Variants in TUBGCP3 observed in about 807,000 individuals in gnomAD.
TUBGCP3 encodes gamma-tubulin complex component 3.
Under a neutral mutation model 123.1 loss-of-function variants are expected in TUBGCP3, and 50 were observed. The ratio of observed to expected loss-of-function variants is 0.41; its 90% CI spans 0.32 to 0.51. TUBGCP3 has a LOEUF of 0.51. Ranked by LOEUF, TUBGCP3 falls within the 20% of genes least tolerant of loss-of-function variation. TUBGCP3 has a pLI of 0.36. For synonymous variants in TUBGCP3, 405 were observed against 413.9 expected, an observed-to-expected ratio of 0.98 and a Z score of 0.26; for missense variants, 882 against 1,127.0, an observed-to-expected ratio of 0.78 and a Z score of 3.11.
At position 112,569,133 on chromosome 13, in the gene TUBGCP3, A is replaced by T; in HGVS notation, c.184+19T>A. ...CGAGTTTAAGAATCCAACACATGAC[A>T]TTTAAGAAAAATACGTACGCTCTTT... On this transcript the variant is annotated intron_variant, in intron 2 of 21. Transcript: ENST00000261965. The T allele has an allele frequency of 6.2e-7, 1 of 1,612,752 alleles. No homozygotes were observed. Among genetic ancestry groups the T allele is most frequent in the East Asian group, 2.2e-5 (1 of 44,874 alleles).
chr13:112,514,415 G>A (rs1035771334), intron 17 of TUBGCP3, among the ~76,000 whole-genome samples: 7 of 152,158 alleles, frequency 4.6e-5, no homozygotes, highest in African/African-American at 1.7e-4. Flanking sequence ...ACTCTGGAAG[G>A]CCAAGGTGGG....
chr13:112,533,895 A>G (rs2139118770), intron 11 of TUBGCP3, among the ~76,000 whole-genome samples: 1 of 147,934 alleles, frequency 6.8e-6, no homozygotes, highest in South Asian at 2.1e-4. Context: ...GATCTGTGAG[A>G]TTTTGGTGCA....
chr13:112,504,032 C>G lies in TUBGCP3; in HGVS notation c.2307G>C (p.Arg769Ser). 1 of 1,610,740 alleles carries G rather than the reference C, an allele frequency of 6.2e-7. No individual in the cohort carries two copies. Among genetic ancestry groups the G allele is most frequent in the Non-Finnish European group, 8.5e-7 (1 of 1,177,918 alleles). Reference sequence around the variant, plus strand: ...GTTTCTAAGCAGGTCGGAGTCTTACCCTGGAGTCACTGTCCAGCAGGCAGC... The same window carrying G: ...GTTTCTAAGCAGGTCGGAGTCTTACGCTGGAGTCACTGTCCAGCAGGCAGC... ...ISRCLLDSDS[R>S]ALLNQLRAVF... Residue 769 changes from arginine to serine, a missense_variant and splice_region_variant, in exon 19 of 22, where the codon AGG becomes AGC. Arg to Ser is a moderately radical substitution (Grantham distance 110). Transcript: ENST00000261965.
chr13:112,494,092 T>C (rs1254380264), intron 20 of TUBGCP3, among the ~76,000 whole-genome samples: 1 of 151,630 alleles, frequency 6.6e-6, no homozygotes, highest in African/African-American at 2.4e-5. Flanking sequence ...CGGGGCCTGG[T>C]GTGCCTGAGA....
chr13:112,535,899 C>T (rs2082457859), intron 11 of TUBGCP3, among the ~76,000 whole-genome samples: 1 of 152,164 alleles, frequency 6.6e-6, no homozygotes, highest in Admixed American at 6.5e-5. Flanking sequence ...ATAACTTTGG[C>T]CCTTAAATTT....
At chr13:112,557,318 C>G (rs1880124467) in intron 5 of TUBGCP3, among the ~76,000 whole-genome samples, 1 of 152,206 alleles carries the variant, frequency 6.6e-6, no homozygotes, top group Admixed American at 6.5e-5. Flanking sequence ...TCATAGAACA[C>G]TAGACCCCAT....
At chr13:112,578,558 CAAAAAAAAAA>C (rs71131496) in intron 1 of TUBGCP3, among the ~76,000 whole-genome samples, 17 of 24,912 alleles carry the variant, frequency 6.8e-4, no homozygotes, top group East Asian at 3.7e-3. Flanking sequence ...GACTCCGTCT[CAAAAAAAAAA>C]AAAAAAAAAA....
intron 13 of TUBGCP3, among the ~76,000 whole-genome samples, 189 bp downstream of exon 13, chr13:112,526,753 C>T (rs904496937): frequency 3.3e-5 from 5 of 150,910 alleles, no homozygotes; most frequent in Non-Finnish European, 7.4e-5. Context: ...GCCACCACCA[C>T]GCATTCATCA....
At chr13:112,565,750 C>T (rs111859795) in intron 2 of TUBGCP3, among the ~76,000 whole-genome samples, 1,973 of 152,216 alleles carry the variant, frequency 0.013, 47 homozygotes, top group African/African-American at 0.044. Context: ...CTGGCTAACA[C>T]GGTGAAACCG....
chr13:112,532,598 TG>T (rs984567324), intron 11 of TUBGCP3, among the ~76,000 whole-genome samples: 42 of 152,326 alleles, frequency 2.8e-4, no homozygotes, highest in African/African-American at 9.1e-4. Context: ...CTTAAGTTTA[TG>T]GGGGAAGAAG....
intron 2 of TUBGCP3, among the ~76,000 whole-genome samples, chr13:112,567,697 G>A (rs768231802): frequency 6.6e-6 from 1 of 152,188 alleles, no homozygotes; most frequent in Non-Finnish European, 1.5e-5. Context: ...GCCCTGAACA[G>A]GCAAAAGCAC....
chr13:112,550,478 C>T (rs528772691), intron 8 of TUBGCP3, among the ~76,000 whole-genome samples: 52 of 152,256 alleles, frequency 3.4e-4, no homozygotes, highest in Admixed American at 2.1e-3. Context: ...CAAGAAGAAA[C>T]GTCCTAGAGT....
In TUBGCP3 at chr13:112,535,657, T is replaced by C. The variant is rs145970482; in HGVS notation, c.1336-8173A>G. ...CTTGTTGAGTTGTGATAGTTCTTTA[T>C]GTATTTGGGATGGGATACTAGACCA... On this transcript the variant is annotated intron_variant, in intron 11 of 21. Transcript: ENST00000261965. 5.8e-3 allele frequency among the ~76,000 whole-genome samples: 888 copies of C among 152,362 alleles called. 7 individuals are homozygous for C. Among genetic ancestry groups the C allele is most frequent in the Non-Finnish European group, 8.4e-3 (570 of 68,034 alleles).
intron 10 of TUBGCP3, 166 bp from the exon 11 acceptor site, chr13:112,546,031 A>T (rs1878958906): frequency 3.0e-6 from 2 of 668,330 alleles, no homozygotes; most frequent in African/African-American, 3.6e-5. Context: ...ACATGTCATG[A>T]TTCAGAAACC....
At chr13:112,594,118 T>C in the TUBGCP3 span, among the ~76,000 whole-genome samples, 2 of 152,170 alleles carry the variant, frequency 1.3e-5, no homozygotes, top group Non-Finnish European at 2.9e-5. Context: ...ACAAATGATA[T>C]CAATCTTACA....
chr13:112,592,365 A>T (rs1167137169), upstream of TUBGCP3, among the ~76,000 whole-genome samples: 2 of 152,138 alleles, frequency 1.3e-5, no homozygotes, highest in Non-Finnish European at 2.9e-5. This position sits in a 1 kb window ranked among gnomAD's most constrained non-coding sequence, Gnocchi z 4.1. Context: ...GGGTGGGTCA[A>T]AGGCCAAACG....
At chr13:112,598,615 G>C in the TUBGCP3 span, among the ~76,000 whole-genome samples, 17 of 152,142 alleles carry the variant, frequency 1.1e-4, no homozygotes, top group African/African-American at 4.1e-4. Flanking sequence ...ACCATTAAGT[G>C]AAGAGTGAAA....
chr13:112,516,345 A>C (rs1036847465), intron 17 of TUBGCP3, 95 bp downstream of exon 17: 2 of 1,340,302 alleles, frequency 1.5e-6, no homozygotes, highest in Non-Finnish European at 2.0e-6. Flanking sequence ...CCGTGAGTCT[A>C]CCTTAACTTC....
chr13:112,497,074 G>A (rs528170359), intron 20 of TUBGCP3, among the ~76,000 whole-genome samples: 4 of 152,130 alleles, frequency 2.6e-5, no homozygotes, highest in Non-Finnish European at 2.9e-5. Context: ...GGGGCACGTG[G>A]GCAGTTTTAC....
Sources: gnomAD v4.1 joint callset for allele counts (sites outside exome capture counted in the v4.1 genomes callset) on GRCh38, gnomAD v4.1.1 for gene constraint, Gnocchi (gnomAD v3.1) non-coding constraint, MANE v1.5 for transcripts, NCBI Gene and HGNC (gene_info 2026-07-23, HGNC 2026-07-21) for gene names.